Variants in GCN1 observed in about 807,000 individuals in gnomAD.
GCN1 encodes GCN1 activator of EIF2AK4, also known as stalled ribosome sensor GCN1.
GCN1 carries 90 observed loss-of-function variants against 288.4 expected under a neutral mutation model. That is an observed-to-expected ratio of 0.31 (90% confidence interval 0.26 to 0.37). The LOEUF (loss-of-function observed/expected upper bound fraction) is 0.37, where lower values mean the gene tolerates loss of function less well. Among genes scored for constraint, GCN1 ranks in the 10% least tolerant of loss-of-function variants. GCN1 has a pLI of 1.00. For missense variants in GCN1, 2,586 were observed against 3,419.9 expected (o/e 0.76, Z 6.08); for synonymous variants, 1,386 against 1,420.2 (o/e 0.98, Z 0.54).
Position 120,142,928 on chromosome 12 carries a change from G to C in GCN1, c.5509C>G (p.Gln1837Glu), listed in dbSNP as rs767756718. The C allele has an allele frequency of 6.2e-7, 1 of 1,608,660 alleles. No homozygotes were observed. The highest frequency in any genetic ancestry group is 1.1e-5 in the South Asian group (1 of 91,002). ...DLWRIRFSSV[Q>E]LLGDLLFHIS... is the part of the protein sequence containing the mutation. Reference sequence around the variant, plus strand: ...TGAAACAGGAGATCCCCAAGGAGCTGAACAGAGCTGAACCTGAGAAGGAGG... The same window carrying C: ...TGAAACAGGAGATCCCCAAGGAGCTCAACAGAGCTGAACCTGAGAAGGAGG... Residue 1837 changes from glutamine to glutamate, a missense_variant, in exon 43 of 58, where the codon CAG becomes GAG. Physicochemically the swap from Gln to Glu is conservative, Grantham distance 29. This residue lies in a region of GCN1 where 371 missense variants were observed against 572.6 expected (regional missense o/e 0.65). Coordinates refer to ENST00000300648, the MANE Select transcript of GCN1 (RefSeq NM_006836.2). The surrounding 1 kb of genome is among the most constrained non-coding windows in gnomAD (Gnocchi z 4.9).
rs140139834 is a variant in GCN1 at position 120,184,016 on chromosome 12, A to C, written c.317+96T>G. On this transcript the variant is annotated intron_variant, in intron 4 of 57. Coordinates refer to ENST00000300648, the MANE Select transcript of GCN1 (RefSeq NM_006836.2). Reference sequence around the variant, plus strand: ...AGTGGTTTTCTCCACTAAGCTTGCTATCCTGGCTCCTCCCTCTGGTGCACA... The same window carrying C: ...AGTGGTTTTCTCCACTAAGCTTGCTCTCCTGGCTCCTCCCTCTGGTGCACA... The C allele has an allele frequency of 2.1e-5, 25 of 1,184,322 alleles. No individual in the cohort carries two copies. In the East Asian group the frequency reaches 5.7e-4, roughly 27 times the overall value. 73.4% of individuals were successfully genotyped at this position (1,184,322 alleles called of 1,614,324 possible). A position where few individuals can be genotyped will look rare whatever the true frequency, so the allele number is the denominator to read the frequency against.
chr12:120,181,465 C>CAAA lies in GCN1; in HGVS notation c.426+2101_426+2103dup, dbSNP rs71072594. Among the ~76,000 whole-genome samples, 81 of 73,998 alleles carry CAAA rather than the reference C, an allele frequency of 1.1e-3. 2 individuals carry two copies. Among genetic ancestry groups the CAAA allele is most frequent in the African/African-American group, 2.7e-3 (46 of 16,764 alleles). 48.5% of individuals were successfully genotyped at this position (73,998 alleles called of 152,430 possible). A position where few individuals can be genotyped will look rare whatever the true frequency, so the allele number is the denominator to read the frequency against. ...GGGTGACAGAGCAAGATCTTTGTCT[C>CAAA]AAAAAAAAAAAAAAAAAAAAAGAAG... On this transcript the variant is annotated intron_variant, in intron 5 of 57. Transcript: ENST00000300648.
rs772413827 is a variant in GCN1 at position 120,164,456 on chromosome 12, G to A, written c.1728C>T (p.Arg576=). ...HRALVAVLLS[R]TWHVRRQAQQ... Reference sequence around the variant, plus strand: ...GAGCCTGCCTGCGGACGTGCCAGGTGCGGCTCAGGAGCACCGCCACCAGAG... The same window carrying A: ...GAGCCTGCCTGCGGACGTGCCAGGTACGGCTCAGGAGCACCGCCACCAGAG... Residue 576 remains arginine, a synonymous_variant, in exon 18 of 58, where the codon CGC becomes CGT. Coordinates refer to ENST00000300648, the MANE Select transcript of GCN1 (RefSeq NM_006836.2). 1.9e-6 allele frequency: 3 copies of A among 1,614,176 alleles called. No individual in the cohort carries two copies. Among genetic ancestry groups the A allele is most frequent in the Admixed American group, 1.7e-5 (1 of 60,026 alleles).
At chr12:120,177,883 AG>A (rs761249378) in intron 7 of GCN1, 131 bp from the exon 8 acceptor site, 8 of 730,246 alleles carry the variant, frequency 1.1e-5, no homozygotes, top group Non-Finnish European at 2.0e-5. Context: ...TTAAGCATAG[AG>A]GTCCCACTGA....
chr12:120,165,076 GCT>G (rs1452229235), intron 16 of GCN1, among the ~76,000 whole-genome samples: 3 of 143,084 alleles, frequency 2.1e-5, no homozygotes, highest in South Asian at 2.2e-4. Flanking sequence ...AGACAGTCAC[GCT>G]CTGTCGCCCA....
At position 120,157,984 on chromosome 12, in the gene GCN1, A is replaced by C. The variant is rs1439777369; in HGVS notation, c.2952T>G (p.Phe984Leu). The C allele has an allele frequency of 6.2e-7, 1 of 1,613,914 alleles. No homozygotes were observed. The highest frequency in any genetic ancestry group is 1.3e-5 in the African/African-American group (1 of 74,956). The change falls in exon 26 of 58, where the codon TTT (phenylalanine) becomes TTG (leucine). Residue 984 changes from phenylalanine to leucine, a missense_variant. Transcript: ENST00000300648. ...SAPAFSLVFP[F>L]LKMVLTEMPH... ...GCATCTCCGTCAGCACCATCTTCAG[A>C]AACGGGAAGACTAAGGAGAAGGCTG...
rs955882584 is a variant in GCN1, at chr12:120,154,935, G to A, written c.3701+35C>T. ...CAGCCAACCTGCCACATCTCACAAA[G>A]CTTGGAGTAGAACGAGGCTGAACAA... is the stretch of plus-strand genomic sequence containing the variant. On this transcript the variant is annotated intron_variant, in intron 31 of 57. Coordinates refer to ENST00000300648, the MANE Select transcript of GCN1 (RefSeq NM_006836.2). 2.5e-6 allele frequency: 4 copies of A among 1,572,672 alleles called. No homozygotes were observed. The Admixed American group carries it at 5.0e-5, about 20-fold the overall frequency.
In GCN1 at chr12:120,153,794, G is replaced by A. The variant is rs773897258; in HGVS notation, c.3817C>T (p.Arg1273Trp). The A allele has an allele frequency of 1.6e-5, 26 of 1,614,132 alleles. No individual in the cohort carries two copies. The highest frequency in any genetic ancestry group is 2.2e-5 in the Non-Finnish European group (26 of 1,179,992). ...AGGGCTGCATCCAACATGCACTTCC[G>A]GACATCTGGGTGTCGGTCATTGAGG... Reference protein sequence around the residue: ...DALNDRHPDVRKCMLDAALAT... With the variant: ...DALNDRHPDVWKCMLDAALAT... The change falls in exon 32 of 58, where the codon CGG becomes TGG. Residue 1273 changes from arginine to tryptophan, a missense_variant. Transcript: ENST00000300648. This position sits in a 1 kb window ranked among gnomAD's most constrained non-coding sequence, Gnocchi z 4.4.
chr12:120,185,146 A>G (rs1163542438), intron 2 of GCN1, among the ~76,000 whole-genome samples: 1 of 152,216 alleles, frequency 6.6e-6, no homozygotes, highest in African/African-American at 2.4e-5. Flanking sequence ...TGCCATCAAG[A>G]GGAGGTTCAG....
intron 24 of GCN1, 113 bp downstream of exon 24, chr12:120,159,712 A>G: frequency 1.1e-6 from 1 of 873,522 alleles, no homozygotes; most frequent in South Asian, 1.4e-5. Flanking sequence ...AGAAAACAAA[A>G]CTCAGCAGCT....
In GCN1 at chr12:120,144,602, T is replaced by C. The variant is rs1227901478; in HGVS notation, c.5352+37A>G. 6 of 1,589,346 alleles carry C rather than the reference T, an allele frequency of 3.8e-6. No individual in the cohort carries two copies. Among genetic ancestry groups the C allele is most frequent in the African/African-American group, 1.3e-5 (1 of 74,454 alleles). ...GGTGAGCACTTGCCTCCTGCCCTCC[T>C]CAAGGACTCTACCCTTGCCAAGGTC... On this transcript the variant is annotated intron_variant, in intron 41 of 57. Transcript: ENST00000300648. The surrounding 1 kb of genome is among the most constrained non-coding windows in gnomAD (Gnocchi z 4.7).
Position 120,155,094 on chromosome 12 carries a change from C to A in GCN1, c.3631-54G>T. The A allele has an allele frequency of 6.4e-7, 1 of 1,550,644 alleles. No individual in the cohort carries two copies. Reference sequence around the variant, plus strand: ...GCAACGGGCAGATCAATGACCTGGGCACCAGGATTGTGAGGCAGGAAACTA... The same window carrying A: ...GCAACGGGCAGATCAATGACCTGGGAACCAGGATTGTGAGGCAGGAAACTA... On this transcript the variant is annotated intron_variant, in intron 30 of 57. Transcript: ENST00000300648. The surrounding 1 kb of genome is among the most constrained non-coding windows in gnomAD (Gnocchi z 4.9).
In GCN1 at chr12:120,184,225, C is replaced by T. The variant is rs117182553; in HGVS notation, c.204G>A (p.Arg68=). 9,073 of 1,613,554 alleles carry T rather than the reference C, an allele frequency of 5.6e-3. 34 individuals carry two copies. Among genetic ancestry groups the T allele is most frequent in the Non-Finnish European group, 7.0e-3 (8,286 of 1,179,824 alleles). The part of the protein sequence containing the change: ...LHRYRDAASR[R]ALQAAIQQLA... ...ACTGCTGGATGGCTGCCTGCAAGGC[C>T]CTGCGGGAGGCTGCATCTCTAGGGG... Residue 68 remains arginine, a synonymous_variant, in exon 4 of 58, where the codon AGG becomes AGA. Coordinates refer to ENST00000300648, the MANE Select transcript of GCN1 (RefSeq NM_006836.2).
In GCN1 at chr12:120,137,613, G is replaced by A. The variant is rs200303350; in HGVS notation, c.6595C>T (p.Arg2199Cys). Residue 2199 changes from arginine (R) to cysteine (C), a missense_variant, in exon 49 of 58, where the codon CGC (arginine) becomes TGC (cysteine). Arg to Cys is a radical substitution (Grantham distance 180). Transcript: ENST00000300648. The surrounding 1 kb of genome is among the most constrained non-coding windows in gnomAD (Gnocchi z 5.2). ...HLRSLVSGLI[R>C]LFNDSSPVVL... ...ACAGGGCTGGAGTCATTGAAGAGGCGGATCAGGCCCGAGACCAGGCTCCGC... is the reference window on the plus strand; with the variant it reads ...ACAGGGCTGGAGTCATTGAAGAGGCAGATCAGGCCCGAGACCAGGCTCCGC... 436 of 1,614,182 alleles carry A rather than the reference G, an allele frequency of 2.7e-4. 5 individuals are homozygous for A. In the East Asian group the frequency reaches 7.8e-3, roughly 29 times the overall value.
In GCN1 at chr12:120,185,458, T is replaced by C. The variant is rs139034236; in HGVS notation, c.122-571A>G. On this transcript the variant is annotated intron_variant, in intron 2 of 57. Transcript: ENST00000300648. ...AGAGTGCAGGGTTAAGAAGGCATAA[T>C]ACCTATTCAGAACACATGAAGAAGA... Among the ~76,000 whole-genome samples, 636 of 152,224 alleles carry C rather than the reference T, an allele frequency of 4.2e-3. 3 individuals are homozygous for C. The highest frequency in any genetic ancestry group is 0.015 in the African/African-American group (611 of 41,532).
chr12:120,186,777 T>C (rs1409729540), intron 2 of GCN1, among the ~76,000 whole-genome samples: 1 of 152,200 alleles, frequency 6.6e-6, no homozygotes, highest in African/African-American at 2.4e-5. Context: ...TGCGTTACAT[T>C]TACTCCAACC....
At chr12:120,181,408 T>G (rs560658946) in intron 5 of GCN1, among the ~76,000 whole-genome samples, 22 of 129,202 alleles carry the variant, frequency 1.7e-4, no homozygotes, top group Middle Eastern at 0.011. Flanking sequence ...AAGGCTGCAG[T>G]GAGCTGAGAT....
intron 1 of GCN1, among the ~76,000 whole-genome samples, chr12:120,192,731 C>T (rs1003989688): frequency 4.5e-5 from 5 of 110,132 alleles, no homozygotes; most frequent in African/African-American, 7.6e-5. Context: ...GACTCCGTCT[C>T]GAAAAAAAAA....
chr12:120,146,864 T>C (rs1194523903), intron 38 of GCN1, among the ~76,000 whole-genome samples, 188 bp downstream of exon 38: 1 of 152,220 alleles, frequency 6.6e-6, no homozygotes, highest in Non-Finnish European at 1.5e-5. Flanking sequence ...TAAGAAGGAC[T>C]TGAACCACTG....
Sources: gnomAD v4.1 joint callset for allele counts (sites outside exome capture counted in the v4.1 genomes callset) on GRCh38, gnomAD v4.1.1 for gene constraint, gnomAD v4.1.1 regional missense constraint, Gnocchi (gnomAD v3.1) non-coding constraint, MANE v1.5 for transcripts, NCBI Gene and HGNC (gene_info 2026-07-23, HGNC 2026-07-21) for gene names.